The following ZNF639 variants were observed in gnomAD, a reference collection of about 807,000 sequenced individuals.
ZNF639 encodes the protein zinc finger amplified in esophageal squamous cell carcinomas 1.
In ZNF639, 20 loss-of-function variants were observed where a neutral mutation model predicts 39.8. The ratio of observed to expected loss-of-function variants is 0.50; its 90% CI spans 0.35 to 0.73. ZNF639 has a LOEUF of 0.73. Ranked by LOEUF, ZNF639 falls within the 30% of genes least tolerant of loss-of-function variation. The probability of loss-of-function intolerance (pLI) is 0.00; values close to 1 mark genes in which losing one functional copy is unlikely to be tolerated. For synonymous variants in ZNF639, 176 were observed against 189.8 expected, an observed-to-expected ratio of 0.93 and a Z score of 0.60; for missense variants, 477 against 566.2, an observed-to-expected ratio of 0.84 and a Z score of 1.60.
At chr3:179,331,410 G>A (rs1309688177) in intron 4 of ZNF639, among the ~76,000 whole-genome samples, 2 of 152,142 alleles carry the variant, frequency 1.3e-5, no homozygotes, top group Non-Finnish European at 2.9e-5. Context: ...CTAGGAGGTG[G>A]AATATAAGTC....
rs759520185 is a variant in ZNF639, at chr3:179,333,547, T to C, written c.583T>C (p.Leu195=). ...LNVTAQQKWP[L]LRANSSGLYK... ...TGTGACTGCCCAGCAGAAATGGCCT[T>C]TACTGAGAGCTAATAGCAGTGGCCT... The change falls in exon 6 of 6, where the codon TTA becomes CTA. Residue 195 remains leucine (L), a synonymous_variant. Transcript: ENST00000496856. 6.2e-7 allele frequency: 1 copy of C among 1,614,130 alleles called. No individual in the cohort carries two copies. Among genetic ancestry groups the C allele is most frequent in the South Asian group, 1.1e-5 (1 of 91,084 alleles).
chr3:179,333,038 T>C lies in ZNF639; in HGVS notation c.219T>C (p.Asp73=), dbSNP rs1234024730. 1 of 1,562,680 alleles carries C rather than the reference T, an allele frequency of 6.4e-7. No homozygotes were observed. Among genetic ancestry groups the C allele is most frequent in the Non-Finnish European group, 8.7e-7 (1 of 1,152,192 alleles). ...ETSNDLPKFA[D]GIKARNRNQN... ...CAAATGACTTGCCAAAATTTGCAGA[T>C]GGAATCAAGGCCAGAAACAGAAATC... The change falls in exon 5 of 6, where the codon GAT becomes GAC. Residue 73 remains aspartate (D), a synonymous_variant. Coordinates refer to ENST00000496856, the MANE Select transcript of ZNF639 (RefSeq NM_001303426.2).
At chr3:179,328,062 C>T in intron 2 of ZNF639, 1 of 350,288 alleles carries the variant, frequency 2.9e-6, no homozygotes, top group South Asian at 4.6e-5. Context: ...ATTTTTTAAC[C>T]TCCGTAAGAA....
chr3:179,331,957 A>C (rs1727940623), intron 4 of ZNF639, among the ~76,000 whole-genome samples: 1 of 152,120 alleles, frequency 6.6e-6, no homozygotes, highest in Admixed American at 6.5e-5. Context: ...ATTCCAGCGT[A>C]ATCATTTTAA....
chr3:179,332,255 CCT>C (rs1230629130), intron 4 of ZNF639, among the ~76,000 whole-genome samples: 1 of 152,182 alleles, frequency 6.6e-6, no homozygotes, highest in Non-Finnish European at 1.5e-5. Context: ...ATACATGGGA[CCT>C]CTCCATACTA....
chr3:179,331,961 A>G (rs917514925), intron 4 of ZNF639, among the ~76,000 whole-genome samples: 1 of 152,132 alleles, frequency 6.6e-6, no homozygotes. Flanking sequence ...CAGCGTAATC[A>G]TTTTAAAAAA....
chr3:179,330,360 T>C (rs963080842), intron 4 of ZNF639, among the ~76,000 whole-genome samples: 2 of 152,240 alleles, frequency 1.3e-5, no homozygotes, highest in Admixed American at 6.5e-5. Flanking sequence ...TATGGCTGAC[T>C]GCATTCTTGA....
chr3:179,331,208 A>G (rs948083507), intron 4 of ZNF639, among the ~76,000 whole-genome samples: 1 of 152,246 alleles, frequency 6.6e-6, no homozygotes, highest in Admixed American at 6.5e-5. Flanking sequence ...CCAAAACTGA[A>G]AACTATTTGG....
intron 1 of ZNF639, 52 bp downstream of exon 1, chr3:179,323,343 C>A: frequency 1.0e-6 from 1 of 985,558 alleles, no homozygotes; most frequent in Non-Finnish European, 1.2e-6. Flanking sequence ...CTCCAGGGGA[C>A]GCGGGCGTGC....
chr3:179,325,406 A>C (rs1268451121), intron 1 of ZNF639: 1 of 152,094 alleles, frequency 6.6e-6, no homozygotes, highest in Non-Finnish European at 1.5e-5. Flanking sequence ...CCTTCTCCCA[A>C]CTGGTAGCTA....
Position 179,336,293 on chromosome 3 carries a change from T to C in ZNF639, c.*1871T>C, listed in dbSNP as rs1021420150. On this transcript the variant is annotated 3_prime_UTR_variant, in exon 6 of 6. Transcript: ENST00000496856. The stretch of plus-strand genomic sequence containing the variant: ...CAGCACTATAAAGAAGATAGAATTA[T>C]ATGTATCATTGCCCTCAAATTTAAC... 2 of 151,464 alleles carry C rather than the reference T, an allele frequency of 1.3e-5. No homozygotes were observed. The highest frequency in any genetic ancestry group is 4.9e-5 in the African/African-American group (2 of 41,112). The allele number at this position is 151,464 out of a possible 1,614,324, so 9.4% of individuals were successfully genotyped here. A position where few individuals can be genotyped will look rare whatever the true frequency, so the allele number is the denominator to read the frequency against.
At chr3:179,328,890 C>T (rs1727747322) in intron 3 of ZNF639, among the ~76,000 whole-genome samples, 1 of 151,838 alleles carries the variant, frequency 6.6e-6, no homozygotes, top group Admixed American at 6.6e-5. Context: ...ATTCTCCTGC[C>T]TCAGCCTCCC....
In ZNF639 at chr3:179,333,219, A is replaced by G. The variant is rs752845109; in HGVS notation, c.305-50A>G. 1.4e-5 allele frequency: 22 copies of G among 1,560,650 alleles called. No homozygotes were observed. In the South Asian group the frequency reaches 2.3e-4, roughly 16 times the overall value. On this transcript the variant is annotated intron_variant, in intron 5 of 5. Transcript: ENST00000496856. ...ATTTTTTTTTGCCCAGTTGTATTTA[A>G]CAGATCTTATTTAGTTATAGTCATA... is the stretch of plus-strand genomic sequence containing the variant.
At position 179,333,333 on chromosome 3, in the gene ZNF639, A is replaced by G. The variant is rs1403564271; in HGVS notation, c.369A>G (p.Gln123=). ...ECDSPESVNQ[Q]TQEESPIEVH... is the part of the protein sequence containing the mutation. The stretch of plus-strand genomic sequence containing the variant: ...ACTCACCTGAATCAGTCAACCAGCA[A>G]ACCCAAGAGGAGAGTCCTATAGAAG... Residue 123 remains glutamine, a synonymous_variant, in exon 6 of 6, where the codon CAA becomes CAG. Coordinates refer to ENST00000496856, the MANE Select transcript of ZNF639 (RefSeq NM_001303426.2). 5 of 1,613,688 alleles carry G rather than the reference A, an allele frequency of 3.1e-6. No individual in the cohort carries two copies. The Admixed American group carries it at 6.7e-5, about 22-fold the overall frequency.
chr3:179,329,146 ATTC>A (rs1239626174), intron 3 of ZNF639, among the ~76,000 whole-genome samples: 3 of 152,162 alleles, frequency 2.0e-5, no homozygotes, highest in Non-Finnish European at 4.4e-5. Flanking sequence ...CAGCCTACAC[ATTC>A]TTCATATCTG....
chr3:179,331,129 A>C (rs1228634770), intron 4 of ZNF639, among the ~76,000 whole-genome samples: 1 of 152,228 alleles, frequency 6.6e-6, no homozygotes, highest in African/African-American at 2.4e-5. Flanking sequence ...TACTTAAAAA[A>C]ACCTAAACAC....
intron 1 of ZNF639, among the ~76,000 whole-genome samples, chr3:179,326,165 T>C (rs1576987091): frequency 2.0e-5 from 3 of 152,154 alleles, no homozygotes; most frequent in African/African-American, 7.2e-5. Context: ...CCCCCGTCTC[T>C]ACTAAAAATA....
At position 179,323,040 on chromosome 3, in the gene ZNF639, G is replaced by T. The variant is rs1229990589; in HGVS notation, c.-334G>T. 2.0e-6 allele frequency: 2 copies of T among 984,970 alleles called. No homozygotes were observed. The highest frequency in any genetic ancestry group is 2.4e-6 in the Non-Finnish European group (2 of 829,992). 61.0% of individuals were successfully genotyped at this position (984,970 alleles called of 1,614,324 possible). ...CTCTCGGCGGGCCCCTGAGGTGCGC[G>T]GCGCAGGCGCGGAGCGTGGCGGCCA... On this transcript the variant is annotated 5_prime_UTR_variant, in exon 1 of 6. Coordinates refer to ENST00000496856, the MANE Select transcript of ZNF639 (RefSeq NM_001303426.2).
intron 4 of ZNF639, 111 bp downstream of exon 4, chr3:179,329,839 C>T (rs1166033228): frequency 5.0e-5 from 23 of 456,146 alleles, no homozygotes; most frequent in South Asian, 2.0e-4. Flanking sequence ...ACAGACAAGT[C>T]TTTGAAATTT....
Sources: allele counts gnomAD v4.1 joint callset (sites outside exome capture counted in the v4.1 genomes callset), GRCh38; gene constraint gnomAD v4.1.1; transcripts MANE v1.5; gene names NCBI Gene and HGNC (gene_info 2026-07-23, HGNC 2026-07-21).